Variants in BPIFA2 observed in about 807,000 individuals in gnomAD.
The protein encoded by BPIFA2 is BPI fold containing family A member 2.
In BPIFA2, 20 loss-of-function variants were observed where a neutral mutation model predicts 25.7. The observed-to-expected ratio is 0.78, with a 90% CI of 0.55 to 1.13. The LOEUF is 1.13. BPIFA2 is among the 50% of genes most tolerant of loss of function. The probability of loss-of-function intolerance (pLI) is 0.00; values close to 1 mark genes in which losing one functional copy is unlikely to be tolerated. For synonymous variants in BPIFA2, 126 were observed against 124.3 expected (o/e 1.01, Z -0.09); for missense variants, 300 against 298.1 (o/e 1.01, Z -0.05).
chr20:33,179,188 T>C (rs1285534049), intron 6 of BPIFA2, among the ~76,000 whole-genome samples: 2 of 151,932 alleles, frequency 1.3e-5, no homozygotes, highest in African/African-American at 4.8e-5. Flanking sequence ...CCAGCTCTTT[T>C]GAAGGTCAAG....
intron 5 of BPIFA2, 107 bp downstream of exon 5, chr20:33,175,666 A>C: frequency 8.2e-7 from 1 of 1,225,082 alleles, no homozygotes; most frequent in South Asian, 1.5e-5. Context: ...GAAAGTGTTC[A>C]GGCTCTGGAG....
chr20:33,181,270 A>G lies in BPIFA2; in HGVS notation c.*84A>G, dbSNP rs1305505534. ...CCACCCCCTTATAGCATCTCCCTCC[A>G]GGAAGCTGCTGCCACCACCTAACCA... On this transcript the variant is annotated 3_prime_UTR_variant, in exon 9 of 9. Transcript: ENST00000354932. 1 of 152,330 alleles carries G rather than the reference A, an allele frequency of 6.6e-6. No individual in the cohort carries two copies. Among genetic ancestry groups the G allele is most frequent in the Non-Finnish European group, 1.5e-5 (1 of 68,194 alleles). 9.4% of individuals were successfully genotyped at this position (152,330 alleles called of 1,614,324 possible). A position where few individuals can be genotyped will look rare whatever the true frequency, so the allele number is the denominator to read the frequency against.
upstream of BPIFA2, among the ~76,000 whole-genome samples, chr20:33,165,738 A>G (rs1476706959): frequency 2.6e-5 from 4 of 152,224 alleles, no homozygotes; most frequent in African/African-American, 7.2e-5. Context: ...GGAATTTTCA[A>G]TAAGAAATTC....
intron 5 of BPIFA2, among the ~76,000 whole-genome samples, 167 bp from the exon 6 acceptor site, chr20:33,177,980 T>TCG (rs1330042460): frequency 1.3e-5 from 2 of 151,832 alleles, no homozygotes; most frequent in Non-Finnish European, 2.9e-5. Flanking sequence ...GATGTGGGAG[T>TCG]CTAAGTGATG....
At chr20:33,170,096 A>T (rs1983850645) in intron 2 of BPIFA2, among the ~76,000 whole-genome samples, 1 of 152,208 alleles carries the variant, frequency 6.6e-6, no homozygotes, top group Admixed American at 6.5e-5. Flanking sequence ...GAAAGGACTC[A>T]CACTCTAATT....
chr20:33,163,192 G>A (rs1433232050), upstream of BPIFA2, among the ~76,000 whole-genome samples: 3 of 152,188 alleles, frequency 2.0e-5, no homozygotes, highest in Non-Finnish European at 4.4e-5. Context: ...GGGAAGGAAG[G>A]ACTCTTCTTG....
chr20:33,173,939 C>G (rs527612398), intron 3 of BPIFA2, 140 bp from the exon 4 acceptor site: 1 of 643,650 alleles, frequency 1.6e-6, no homozygotes, highest in African/African-American at 1.8e-5. Flanking sequence ...GAGAATCAAA[C>G]CTCTGAACAG....
Position 33,174,917 on chromosome 20 carries a change from A to C in BPIFA2, c.411-490A>C, listed in dbSNP as rs141233653. Among the ~76,000 whole-genome samples, 296 of 152,294 alleles carry C rather than the reference A, an allele frequency of 1.9e-3. 3 individuals are homozygous for C. The highest frequency in any genetic ancestry group is 6.2e-3 in the African/African-American group (256 of 41,552). On this transcript the variant is annotated intron_variant, in intron 4 of 8. Coordinates refer to ENST00000354932, the MANE Select transcript of BPIFA2 (RefSeq NM_080574.4). ...CAGAGTGAGACCCTGTCTCACAAAA[A>C]ATAAAAAATTTTAATTTTAAAGGAG...
At chr20:33,165,153 T>G (rs947978143), upstream of BPIFA2, among the ~76,000 whole-genome samples, 8 of 152,248 alleles carry the variant, frequency 5.3e-5, no homozygotes, top group African/African-American at 1.9e-4. Flanking sequence ...CTTTATTAAT[T>G]GCTCTATTTA....
chr20:33,173,597 T>G (rs115406877), intron 3 of BPIFA2, among the ~76,000 whole-genome samples: 1 of 152,146 alleles, frequency 6.6e-6, no homozygotes, highest in Non-Finnish European at 1.5e-5. Context: ...CCTCGCCTCC[T>G]GGGTTCAAGC....
intron 1 of BPIFA2, 52 bp downstream of exon 1, chr20:33,168,261 CT>C (rs1983784754): frequency 6.6e-6 from 1 of 152,228 alleles, no homozygotes; most frequent in Admixed American, 6.5e-5. Context: ...CTTTGGAAGG[CT>C]TTGGGGGCAA....
chr20:33,173,991 A>G (rs1983989113), intron 3 of BPIFA2, 88 bp from the exon 4 acceptor site: 2 of 1,086,356 alleles, frequency 1.8e-6, no homozygotes, highest in Admixed American at 3.4e-5. Context: ...GACGAGACCC[A>G]AACGCTCAGC....
chr20:33,175,622 C>T, intron 5 of BPIFA2, 63 bp downstream of exon 5: 2 of 1,538,976 alleles, frequency 1.3e-6, no homozygotes, highest in South Asian at 1.2e-5. Context: ...CTAATTTCAG[C>T]TCTAGTCCTC....
upstream of BPIFA2, among the ~76,000 whole-genome samples, chr20:33,164,827 C>G (rs1417839546): frequency 6.6e-6 from 1 of 152,210 alleles, no homozygotes; most frequent in Non-Finnish European, 1.5e-5. Context: ...AGGACCCTGA[C>G]CCGGTGAAAA....
At chr20:33,169,062 T>G (rs1372160220) in intron 1 of BPIFA2, 69 bp from the exon 2 acceptor site, 2 of 1,307,080 alleles carry the variant, frequency 1.5e-6, no homozygotes, top group Admixed American at 3.7e-5. Flanking sequence ...TTAAGAGTGA[T>G]GGGAACTCAC....
upstream of BPIFA2, among the ~76,000 whole-genome samples, chr20:33,166,962 C>A (rs1254446024): frequency 6.6e-6 from 1 of 152,156 alleles, no homozygotes; most frequent in Non-Finnish European, 1.5e-5. Context: ...GTCAGGCAGC[C>A]AGGGAAGGAG....
At chr20:33,163,551 G>A (rs541551796), upstream of BPIFA2, among the ~76,000 whole-genome samples, 69 of 152,292 alleles carry the variant, frequency 4.5e-4, no homozygotes, top group Non-Finnish European at 8.7e-4. Context: ...TGCCGGGCAC[G>A]GTGGCTCATG....
chr20:33,174,247 C>T, intron 4 of BPIFA2, 61 bp downstream of exon 4: 2 of 1,491,908 alleles, frequency 1.3e-6, no homozygotes, highest in South Asian at 2.3e-5. Flanking sequence ...GATGGATGCC[C>T]AACCTGGGAA....
intron 5 of BPIFA2, among the ~76,000 whole-genome samples, chr20:33,177,328 C>G (rs1984114096): frequency 6.7e-6 from 1 of 149,798 alleles, no homozygotes; most frequent in Non-Finnish European, 1.5e-5. Flanking sequence ...GCACTCCAGT[C>G]TGGGTGACAG....
Sources: gnomAD v4.1 joint callset for allele counts (sites outside exome capture counted in the v4.1 genomes callset) on GRCh38, gnomAD v4.1.1 for gene constraint, MANE v1.5 for transcripts, NCBI Gene and HGNC (gene_info 2026-07-23, HGNC 2026-07-21) for gene names.